Variants in SLC39A10 observed in about 807,000 individuals in gnomAD.
SLC39A10 encodes solute carrier family 39 member 10.
SLC39A10 carries 13 observed loss-of-function variants against 65.1 expected under a neutral mutation model. The ratio of observed to expected loss-of-function variants is 0.20; its 90% CI spans 0.13 to 0.32. SLC39A10 has a LOEUF of 0.32. Ranked by LOEUF, SLC39A10 falls within the 10% of genes least tolerant of loss-of-function variation. The pLI is 1.00. For synonymous variants in SLC39A10, 321 were observed against 342.2 expected, an observed-to-expected ratio of 0.94 and a Z score of 0.68; for missense variants, 831 against 1,018.4, an observed-to-expected ratio of 0.82 and a Z score of 2.50.
intron 2 of SLC39A10, among the ~76,000 whole-genome samples, chr2:195,618,738 G>T (rs892959643): frequency 3.3e-5 from 5 of 152,162 alleles, no homozygotes; most frequent in African/African-American, 1.2e-4. Flanking sequence ...TGCATATTAA[G>T]CAATAGAGAC....
In SLC39A10 at chr2:195,737,362, A is replaced by G. The variant is rs1342937818; in HGVS notation, c.*2321A>G. ...GTGTGACATCCATATGAATTTTGGT[A>G]TATATCAATCAATCAATCAATCACA... On this transcript the variant is annotated 3_prime_UTR_variant, in exon 10 of 10. Coordinates refer to ENST00000359634, the MANE Select transcript of SLC39A10 (RefSeq NM_020342.3). 2 of 149,134 alleles carry G rather than the reference A, an allele frequency of 1.3e-5. No individual in the cohort carries two copies. The highest frequency in any genetic ancestry group is 2.1e-4 in the South Asian group (1 of 4,766). The allele number at this position is 149,134 out of a possible 1,614,324, so 9.2% of individuals were successfully genotyped here.
At chr2:195,676,328 T>C (rs532977207) in intron 1 of SLC39A10, among the ~76,000 whole-genome samples, 1 of 151,814 alleles carries the variant, frequency 6.6e-6, no homozygotes, top group Admixed American at 6.6e-5. Context: ...TAGCTGGGAT[T>C]ATAGGCGCCT....
chr2:195,633,819 G>C (rs1253625812), intron 2 of SLC39A10, among the ~76,000 whole-genome samples: 2 of 152,056 alleles, frequency 1.3e-5, no homozygotes, highest in African/African-American at 4.8e-5. Flanking sequence ...TTGATGTTTA[G>C]CTGCTTCTGG....
rs887668929 is a variant in SLC39A10, at chr2:195,736,365, T to C, written c.*1324T>C. ...AGTCATATGCATGTAGCTTTCTGTT[T>C]ACATCCTATGCCACATGGTCTTCAT... On this transcript the variant is annotated 3_prime_UTR_variant, in exon 10 of 10. Coordinates refer to ENST00000359634, the MANE Select transcript of SLC39A10 (RefSeq NM_020342.3). 6.0e-6 allele frequency: 1 copy of C among 166,624 alleles called. No individual in the cohort carries two copies. The highest frequency in any genetic ancestry group is 2.4e-5 in the African/African-American group (1 of 41,470). The allele number at this position is 166,624 out of a possible 1,614,324, so 10.3% of individuals were successfully genotyped here. A position where few individuals can be genotyped will look rare whatever the true frequency, so the allele number is the denominator to read the frequency against.
In SLC39A10 at chr2:195,737,573, A is replaced by AACTT. The variant is rs939492959; in HGVS notation, c.*2534_*2537dup. The AACTT allele has an allele frequency of 4.0e-5, 7 of 176,144 alleles. No homozygotes were observed. The East Asian group carries it at 4.7e-4, about 12-fold the overall frequency. The allele number at this position is 176,144 out of a possible 1,614,324, so 10.9% of individuals were successfully genotyped here. A position where few individuals can be genotyped will look rare whatever the true frequency, so the allele number is the denominator to read the frequency against. ...TTTTGTTTTAACTGAATCATTTTTT[A>AACTT]ACTTAAAAAGCTGGAAAATATCAAA... On this transcript the variant is annotated 3_prime_UTR_variant, in exon 10 of 10. Transcript: ENST00000359634.
chr2:195,659,007 A>G (rs1262400112), intron 1 of SLC39A10, among the ~76,000 whole-genome samples: 1 of 152,250 alleles, frequency 6.6e-6, no homozygotes, highest in Non-Finnish European at 1.5e-5. Context: ...ATTAGTGAGG[A>G]CTGTAAATGA....
chr2:195,674,060 A>G (rs780469564), intron 1 of SLC39A10, among the ~76,000 whole-genome samples: 3 of 152,164 alleles, frequency 2.0e-5, no homozygotes, highest in Non-Finnish European at 4.4e-5. Flanking sequence ...GTAATTCTGC[A>G]TGTTTTAAGA....
intron 2 of SLC39A10, among the ~76,000 whole-genome samples, chr2:195,643,997 G>C (rs1336995521): frequency 6.6e-6 from 1 of 152,210 alleles, no homozygotes; most frequent in African/African-American, 2.4e-5. Flanking sequence ...CACATATGCA[G>C]TAAATATTTA....
Position 195,737,096 on chromosome 2 carries a change from C to T in SLC39A10, c.*2055C>T, listed in dbSNP as rs1232108481. ...GAAGTATATAAAGAAGTTTTATATT[C>T]TCTCAAAAATGGTATTATCTTTCTT... On this transcript the variant is annotated 3_prime_UTR_variant, in exon 10 of 10. Transcript: ENST00000359634. The T allele has an allele frequency of 2.0e-5, 3 of 152,396 alleles. No individual in the cohort carries two copies. In the East Asian group the frequency reaches 5.9e-4, roughly 30 times the overall value. The allele number at this position is 152,396 out of a possible 1,614,324, so 9.4% of individuals were successfully genotyped here.
rs190280470 is a variant in SLC39A10 at position 195,644,594 on chromosome 2, C to A, written c.-11-35438C>A. Among the ~76,000 whole-genome samples the A allele has an allele frequency of 7.8e-4, 119 of 151,784 alleles. 1 individual carries two copies. The East Asian group carries it at 0.021, about 26-fold the overall frequency. On this transcript the variant is annotated intron_variant, in intron 2 of 2. Coordinates refer to the SLC39A10 transcript ENST00000458054. The stretch of plus-strand genomic sequence containing the variant: ...TGACCTTGTGATCCGCCCGCTTCGG[C>A]CTCCCAAAGTGTTGGGATTACAGGC...
chr2:195,653,542 G>A (rs58650718), upstream of SLC39A10, among the ~76,000 whole-genome samples: 2,900 of 152,172 alleles, frequency 0.019, 233 homozygotes, highest in East Asian at 0.26. Flanking sequence ...TGATCCACCC[G>A]CCTTGGCCTC....
intron 2 of SLC39A10, among the ~76,000 whole-genome samples, chr2:195,614,103 C>T (rs1688156799): frequency 6.6e-6 from 1 of 152,058 alleles, no homozygotes; most frequent in Non-Finnish European, 1.5e-5. Context: ...ATCATTCATT[C>T]TATGAGCAAT....
intron 7 of SLC39A10, 48 bp from the exon 8 acceptor site, chr2:195,718,204 G>C (rs372487405): frequency 1.4e-5 from 21 of 1,451,876 alleles, no homozygotes; most frequent in African/African-American, 1.4e-4. Context: ...AAAATGTGAA[G>C]AGTTAAGATC....
intron 1 of SLC39A10, among the ~76,000 whole-genome samples, chr2:195,673,251 A>G (rs1235859113): frequency 6.6e-6 from 1 of 152,178 alleles, no homozygotes; most frequent in African/African-American, 2.4e-5. Flanking sequence ...ATCAGGGCTC[A>G]CTGCAGCCTT....
intron 1 of SLC39A10, among the ~76,000 whole-genome samples, chr2:195,659,735 T>C (rs964116186): frequency 6.6e-5 from 10 of 152,220 alleles, no homozygotes; most frequent in Non-Finnish European, 1.3e-4. Flanking sequence ...CGGACTTAAC[T>C]GTGACCATTA....
chr2:195,706,579 G>T, intron 3 of SLC39A10, 37 bp from the exon 4 acceptor site: 1 of 1,575,552 alleles, frequency 6.3e-7, no homozygotes, highest in African/African-American at 1.4e-5. Flanking sequence ...GGTTTAAATT[G>T]TTATACTAAT....
chr2:195,663,541 G>A (rs1413559167), intron 1 of SLC39A10, among the ~76,000 whole-genome samples: 3 of 151,826 alleles, frequency 2.0e-5, no homozygotes, highest in African/African-American at 7.3e-5. Context: ...TACACATAAC[G>A]TATTCTGTGT....
At chr2:195,651,797 T>C (rs1689037141), upstream of SLC39A10, among the ~76,000 whole-genome samples, 1 of 152,180 alleles carries the variant, frequency 6.6e-6, no homozygotes, top group Non-Finnish European at 1.5e-5. Context: ...TCTTAACACC[T>C]GTTCTGGTAC....
At chr2:195,715,316 A>C (rs2105824276) in intron 6 of SLC39A10, among the ~76,000 whole-genome samples, 1 of 152,080 alleles carries the variant, frequency 6.6e-6, no homozygotes, top group African/African-American at 2.4e-5. Flanking sequence ...TCAAGAGGTC[A>C]GGAGTTCAAG....
Sources: allele counts gnomAD v4.1 joint callset (sites outside exome capture counted in the v4.1 genomes callset), GRCh38; gene constraint gnomAD v4.1.1; transcripts MANE v1.5; gene names NCBI Gene and HGNC (gene_info 2026-07-23, HGNC 2026-07-21).